The following CRISPLD2 variants were observed in gnomAD, a reference collection of about 807,000 sequenced individuals.
CRISPLD2 encodes cysteine rich secretory protein LCCL domain containing 2.
In CRISPLD2, 47 loss-of-function variants were observed where a neutral mutation model predicts 71.1. The observed-to-expected ratio is 0.66, with a 90% confidence interval of 0.52 to 0.84. The LOEUF (loss-of-function observed/expected upper bound fraction) is 0.84, where lower values mean the gene tolerates loss of function less well. Ranked by LOEUF, CRISPLD2 falls within the 40% of genes least tolerant of loss-of-function variation. The probability of loss-of-function intolerance (pLI) is 0.00; values close to 1 mark genes in which losing one functional copy is unlikely to be tolerated. For synonymous variants in CRISPLD2, 317 were observed against 250.1 expected (o/e 1.27, Z -2.52); for missense variants, 830 against 651.1 (o/e 1.27, Z -2.99).
chr16:84,847,416 C>T (rs1306102302), intron 3 of CRISPLD2, among the ~76,000 whole-genome samples: 5 of 152,118 alleles, frequency 3.3e-5, no homozygotes, highest in South Asian at 2.1e-4. Context: ...CTTTGGGAGG[C>T]CAAGGTGGGC....
intron 3 of CRISPLD2, among the ~76,000 whole-genome samples, chr16:84,848,128 C>T (rs1916965810): frequency 6.6e-6 from 1 of 152,212 alleles, no homozygotes; most frequent in South Asian, 2.1e-4. Context: ...CCCGGGGCAG[C>T]CGCGGGTTCC....
chr16:84,883,134 AGAATG>A (rs2071582855), intron 13 of CRISPLD2, among the ~76,000 whole-genome samples: 1 of 152,240 alleles, frequency 6.6e-6, no homozygotes, highest in Non-Finnish European at 1.5e-5. Flanking sequence ...AAAAAAATAA[AGAATG>A]AAGGAGGGAA....
rs1248250665 is a variant in CRISPLD2, at chr16:84,867,030, C to G, written c.843C>G (p.Val281=). 6.2e-7 allele frequency: 1 copy of G among 1,613,964 alleles called. No individual in the cohort carries two copies. The highest frequency in any genetic ancestry group is 1.3e-5 in the African/African-American group (1 of 74,882). ...RPTKPKKTSA[V]NYMTQVVRCD... ...CCAAGCCCAAGAAAACCTCTGCGGT[C>G]AACTACATGAGTGAGTCTAGGCCGT... is the stretch of plus-strand genomic sequence containing the variant. The change falls in exon 7 of 15, where the codon GTC becomes GTG. Residue 281 remains valine (V), a synonymous_variant. Transcript: ENST00000262424.
intron 13 of CRISPLD2, among the ~76,000 whole-genome samples, chr16:84,881,198 C>T (rs1199965799): frequency 1.3e-5 from 2 of 152,206 alleles, no homozygotes; most frequent in African/African-American, 2.4e-5. Flanking sequence ...ATTTAGTCAT[C>T]TTCCCAGCTC....
Position 84,838,418 on chromosome 16 carries a change from T to C in CRISPLD2, c.-74-4T>C, listed in dbSNP as rs1916679217. The C allele has an allele frequency of 6.5e-7, 1 of 1,541,772 alleles. No homozygotes were observed. Among genetic ancestry groups the C allele is most frequent in the East Asian group, 2.3e-5 (1 of 44,326 alleles). ...TTCTCCCACCACCCTCTGCTTCCTTTCAGAGCTCAAGCGCCCAGCTCTGCC... is the reference window on the plus strand; with the variant it reads ...TTCTCCCACCACCCTCTGCTTCCTTCCAGAGCTCAAGCGCCCAGCTCTGCC... On this transcript the variant is annotated splice_region_variant and splice_polypyrimidine_tract_variant and intron_variant, in intron 1 of 14. Transcript: ENST00000262424.
chr16:84,850,568 A>G lies in CRISPLD2; in HGVS notation c.493A>G (p.Ile165Val), dbSNP rs1917058720. ...TGACACACAAATGTCATCTTTTCAG[A>G]TAGTTTGGGCCACCACCAACAAGAT... is the stretch of plus-strand genomic sequence containing the variant. Reference protein sequence around the residue: ...SGPMCTHYTQIVWATTNKIGC... With the variant: ...SGPMCTHYTQVVWATTNKIGC... The change falls in exon 5 of 15, where the codon ATA becomes GTA. Residue 165 changes from isoleucine (I) to valine (V), a missense_variant and splice_region_variant. Coordinates refer to ENST00000262424, the MANE Select transcript of CRISPLD2 (RefSeq NM_031476.4). The G allele has an allele frequency of 6.2e-7, 1 of 1,613,586 alleles. No homozygotes were observed. The highest frequency in any genetic ancestry group is 1.1e-5 in the South Asian group (1 of 91,064).
chr16:84,863,904 C>T (rs139820470), intron 6 of CRISPLD2, among the ~76,000 whole-genome samples: 2 of 146,144 alleles, frequency 1.4e-5, no homozygotes, highest in African/African-American at 2.6e-5. Flanking sequence ...TTGCAGTGAG[C>T]CGAGATCACA....
chr16:84,849,362 A>C (rs374229408), intron 3 of CRISPLD2, 23 bp from the exon 4 acceptor site: 3 of 1,605,894 alleles, frequency 1.9e-6, no homozygotes, highest in Non-Finnish European at 2.6e-6. Context: ...GCTGGGACTG[A>C]GTGAGCGGTT....
At chr16:84,890,883 C>T (rs2071656147) in intron 14 of CRISPLD2, among the ~76,000 whole-genome samples, 1 of 152,208 alleles carries the variant, frequency 6.6e-6, no homozygotes, top group South Asian at 2.1e-4. Context: ...AAAGGGCACT[C>T]AGCCTCCCAA....
intron 6 of CRISPLD2, chr16:84,863,232 A>G (rs1391771801): frequency 2.0e-5 from 3 of 152,232 alleles, no homozygotes; most frequent in Non-Finnish European, 1.5e-5. Flanking sequence ...CAAAGAACAA[A>G]TGTGCACAGA....
chr16:84,852,700 C>G (rs2641699), intron 5 of CRISPLD2, among the ~76,000 whole-genome samples: 85,472 of 151,230 alleles, frequency 0.57, 26,050 homozygotes, highest in East Asian at 0.82. Flanking sequence ...GATTCCCAAC[C>G]CGACAAGGGG....
chr16:84,901,628 T>C (rs1372266570), intron 14 of CRISPLD2, among the ~76,000 whole-genome samples: 82 of 134,052 alleles, frequency 6.1e-4, no homozygotes, highest in East Asian at 2.2e-3. Context: ...TCTGCCACCA[T>C]ACCCAGCTAA....
chr16:84,898,501 G>C (rs1456464577), intron 14 of CRISPLD2, among the ~76,000 whole-genome samples: 1 of 152,214 alleles, frequency 6.6e-6, no homozygotes, highest in South Asian at 2.1e-4. Flanking sequence ...GCTCTCATAC[G>C]TTCCTGGGCT....
At chr16:84,896,755 A>G (rs2071709943) in intron 14 of CRISPLD2, among the ~76,000 whole-genome samples, 1 of 152,332 alleles carries the variant, frequency 6.6e-6, no homozygotes, top group African/African-American at 2.4e-5. Context: ...GTCCACAGTC[A>G]TGTATGTACA....
chr16:84,844,479 T>A (rs1220788773), intron 2 of CRISPLD2, among the ~76,000 whole-genome samples: 1 of 150,776 alleles, frequency 6.6e-6, no homozygotes, highest in East Asian at 1.9e-4. Context: ...TTCTTTTCTT[T>A]TCTTTCTTTT....
rs374935664 is a variant in CRISPLD2 at position 84,877,413 on chromosome 16, C to G, written c.1157-25C>G. ...GGCCCAGGCGTGCTGGGACCTGACC[C>G]TTTCCCCCTTGCTCCTGTTCACAGT... is the stretch of plus-strand genomic sequence containing the variant. On this transcript the variant is annotated intron_variant, in intron 11 of 14. Transcript: ENST00000262424. 5.0e-5 allele frequency: 80 copies of G among 1,611,744 alleles called. No homozygotes were observed. In the African/African-American group the frequency reaches 1.0e-3, roughly 20 times the overall value.
chr16:84,841,020 A>C (rs1211767122), intron 2 of CRISPLD2, among the ~76,000 whole-genome samples: 3 of 152,148 alleles, frequency 2.0e-5, no homozygotes, highest in Non-Finnish European at 4.4e-5. Flanking sequence ...TCCACACGGC[A>C]CCTCCGGACT....
At chr16:84,829,738 T>A (rs1916441184) in intron 1 of CRISPLD2, among the ~76,000 whole-genome samples, 1 of 152,250 alleles carries the variant, frequency 6.6e-6, no homozygotes, top group Non-Finnish European at 1.5e-5. Flanking sequence ...TCAGGCCTTA[T>A]GTGTGACCAC....
At position 84,877,539 on chromosome 16, in the gene CRISPLD2, C is replaced by G. The variant is rs753517718; in HGVS notation, c.1229+29C>G. 1.1e-5 allele frequency: 18 copies of G among 1,606,908 alleles called. 1 individual carries two copies. In the South Asian group the frequency reaches 1.9e-4, roughly 17 times the overall value. On this transcript the variant is annotated intron_variant, in intron 12 of 14. Coordinates refer to ENST00000262424, the MANE Select transcript of CRISPLD2 (RefSeq NM_031476.4). ...AGGCGGGCCTGATCTGTCATCTTTT[C>G]TATGGAAGATGTTAGAAGTAGCTTT...
Sources: gnomAD v4.1 joint callset for allele counts (sites outside exome capture counted in the v4.1 genomes callset) on GRCh38, gnomAD v4.1.1 for gene constraint, MANE v1.5 for transcripts, NCBI Gene and HGNC (gene_info 2026-07-23, HGNC 2026-07-21) for gene names.